The following ATP11B variants were observed in gnomAD, a reference collection of about 807,000 sequenced individuals.
The protein encoded by ATP11B is phospholipid-transporting ATPase IF.
ATP11B carries 81 observed loss-of-function variants against 157.8 expected under a neutral mutation model. The observed-to-expected ratio is 0.51, with a 90% CI of 0.43 to 0.62. The LOEUF is 0.62. Among genes scored for constraint, ATP11B ranks in the 20% least tolerant of loss-of-function variants. ATP11B has a pLI of 0.00. For missense variants in ATP11B, 1,165 were observed against 1,402.2 expected, an observed-to-expected ratio of 0.83 and a Z score of 2.70; for synonymous variants, 451 against 469.4, an observed-to-expected ratio of 0.96 and a Z score of 0.51.
chr3:182,871,457 C>G (rs1721649285), intron 17 of ATP11B, among the ~76,000 whole-genome samples: 1 of 152,126 alleles, frequency 6.6e-6, no homozygotes, highest in African/African-American at 2.4e-5. Flanking sequence ...AATTCTGATT[C>G]CAATTCACTG....
chr3:182,858,939 A>G (rs938020080), intron 11 of ATP11B, among the ~76,000 whole-genome samples: 1 of 152,118 alleles, frequency 6.6e-6, no homozygotes, highest in African/African-American at 2.4e-5. Flanking sequence ...TAACCTTTTC[A>G]TCATTTACTT....
intron 21 of ATP11B, 149 bp downstream of exon 21, chr3:182,881,130 C>G (rs1334469568): frequency 1.9e-6 from 1 of 535,298 alleles, no homozygotes; most frequent in Admixed American, 4.0e-5. Context: ...CACAGTGTGC[C>G]CCATCAGAAA....
intron 28 of ATP11B, among the ~76,000 whole-genome samples, chr3:182,912,552 T>C (rs750684962): frequency 3.3e-5 from 5 of 151,960 alleles, no homozygotes; most frequent in Non-Finnish European, 7.4e-5. Flanking sequence ...AAAGAACAAG[T>C]CAAGTTTGGC....
intron 17 of ATP11B, among the ~76,000 whole-genome samples, chr3:182,870,078 A>C (rs1003500672): frequency 6.7e-6 from 1 of 148,282 alleles, no homozygotes; most frequent in Non-Finnish European, 1.5e-5. Context: ...CTCATTAATG[A>C]TTGCCAGGGG....
intron 12 of ATP11B, among the ~76,000 whole-genome samples, chr3:182,863,883 C>T (rs987555620): frequency 1.3e-5 from 2 of 151,922 alleles, no homozygotes; most frequent in African/African-American, 4.8e-5. Context: ...TAACTCATCC[C>T]TCATTCTTCC....
intron 4 of ATP11B, among the ~76,000 whole-genome samples, chr3:182,835,475 C>T (rs1305280490): frequency 6.6e-6 from 1 of 152,150 alleles, no homozygotes; most frequent in Non-Finnish European, 1.5e-5. Context: ...CCCCAGATTT[C>T]TGGCAAGAAC....
At chr3:182,888,176 T>C (rs1222569490) in intron 24 of ATP11B, among the ~76,000 whole-genome samples, 2 of 152,202 alleles carry the variant, frequency 1.3e-5, no homozygotes, top group Admixed American at 6.5e-5. Context: ...AGAGATGTGA[T>C]TGGGACCTGT....
chr3:182,863,192 C>T (rs1280518222), intron 12 of ATP11B, among the ~76,000 whole-genome samples: 1 of 152,166 alleles, frequency 6.6e-6, no homozygotes, highest in East Asian at 1.9e-4. Context: ...GCATGAGCCA[C>T]CGCGCCTGGC....
chr3:182,804,913 C>A (rs1248454448), intron 1 of ATP11B, among the ~76,000 whole-genome samples: 1 of 152,134 alleles, frequency 6.6e-6, no homozygotes, highest in Non-Finnish European at 1.5e-5. Flanking sequence ...TTTCACCTAG[C>A]ATAATGTTTT....
intron 1 of ATP11B, 94 bp downstream of exon 1, chr3:182,793,880 A>C: frequency 1.1e-6 from 1 of 876,080 alleles, no homozygotes; most frequent in Non-Finnish European, 1.5e-6. Context: ...CGGAGCCGGG[A>C]GGCCAGGGCG....
intron 10 of ATP11B, among the ~76,000 whole-genome samples, chr3:182,857,577 C>A (rs1577031177): frequency 9.4e-6 from 1 of 106,838 alleles, no homozygotes. Context: ...AAAAAAAAAA[C>A]TTAGAATAAT....
At chr3:182,872,902 TG>T (rs1721769728) in intron 18 of ATP11B, among the ~76,000 whole-genome samples, 1 of 152,254 alleles carries the variant, frequency 6.6e-6, no homozygotes, top group Non-Finnish European at 1.5e-5. Flanking sequence ...GCATGCCACC[TG>T]TAGCTAAAAC....
rs1411411067 is a variant in ATP11B, at chr3:182,889,002, A to G, written c.2844-408A>G. On this transcript the variant is annotated intron_variant, in intron 24 of 29. Coordinates refer to ENST00000323116, the MANE Select transcript of ATP11B (RefSeq NM_014616.3). ...CTCAGCCTCCCAAGTAGCTGAGACTACAGGCGCGTGCCAACATGCCCAGCT... is the reference window on the plus strand; with the variant it reads ...CTCAGCCTCCCAAGTAGCTGAGACTGCAGGCGCGTGCCAACATGCCCAGCT... Among the ~76,000 whole-genome samples the G allele has an allele frequency of 2.6e-5, 4 of 152,050 alleles. No individual in the cohort carries two copies. The East Asian group carries it at 7.7e-4, about 29-fold the overall frequency.
chr3:182,855,770 A>T (rs765976656), intron 10 of ATP11B, among the ~76,000 whole-genome samples: 1 of 152,170 alleles, frequency 6.6e-6, no homozygotes, highest in Non-Finnish European at 1.5e-5. Flanking sequence ...AAAGCTGCAG[A>T]TTACAAATAA....
intron 25 of ATP11B, among the ~76,000 whole-genome samples, chr3:182,891,599 G>T (rs748076547): frequency 3.3e-5 from 5 of 152,034 alleles, no homozygotes; most frequent in Non-Finnish European, 7.4e-5. Flanking sequence ...CCCTTAATTT[G>T]AGGATTTGTT....
rs1715789066 is a variant in ATP11B, at chr3:182,798,716, A to C, written c.27+4930A>C. On this transcript the variant is annotated intron_variant, in intron 1 of 29. Transcript: ENST00000323116. ...ATGGTATCCACATATGGCTGTCGAA[A>C]TGTAGGCACTTGAAGTGTGTCTACT... Among the ~76,000 whole-genome samples the C allele has an allele frequency of 4.6e-5, 7 of 152,242 alleles. No individual in the cohort carries two copies. The South Asian group carries it at 1.2e-3, about 27-fold the overall frequency.
At position 182,874,104 on chromosome 3, in the gene ATP11B, TG is replaced by T. The variant is rs1279677407; in HGVS notation, c.2252+90del. 2.7e-6 allele frequency: 3 copies of T among 1,113,128 alleles called. No individual in the cohort carries two copies. The African/African-American group carries it at 4.8e-5, about 18-fold the overall frequency. The allele number at this position is 1,113,128 out of a possible 1,614,324, so 69.0% of individuals were successfully genotyped here. A position where few individuals can be genotyped will look rare whatever the true frequency, so the allele number is the denominator to read the frequency against. On this transcript the variant is annotated intron_variant, in intron 19 of 29. Transcript: ENST00000323116. ...GATGATATAGCCCACTGTCACTGCC[TG>T]TTTTTTACAGCCTATCAGCTAAAAG...
At chr3:182,914,357 T>G (rs1560136948) in intron 29 of ATP11B, 3 of 964,958 alleles carry the variant, frequency 3.1e-6, no homozygotes, top group African/African-American at 2.3e-5. Flanking sequence ...TTTTTTAAAA[T>G]TTTTTTGCTT....
chr3:182,808,115 T>A (rs527346952), intron 1 of ATP11B, among the ~76,000 whole-genome samples: 1 of 152,240 alleles, frequency 6.6e-6, no homozygotes, highest in Non-Finnish European at 1.5e-5. Flanking sequence ...TAATCATATG[T>A]TACCTAGAAC....
Sources: gnomAD v4.1 joint callset for allele counts (sites outside exome capture counted in the v4.1 genomes callset) on GRCh38, gnomAD v4.1.1 for gene constraint, MANE v1.5 for transcripts, NCBI Gene and HGNC (gene_info 2026-07-23, HGNC 2026-07-21) for gene names.